Variants in SNTB1 observed in about 807,000 individuals in gnomAD.
The protein encoded by SNTB1 is syntrophin beta 1.
In SNTB1, 36 loss-of-function variants were observed where a neutral mutation model predicts 48.9. The ratio of observed to expected loss-of-function variants is 0.74; its 90% confidence interval spans 0.56 to 0.97. The LOEUF (loss-of-function observed/expected upper bound fraction) is 0.97, where lower values mean the gene tolerates loss of function less well. Ranked by LOEUF, SNTB1 falls within the 50% of genes least tolerant of loss-of-function variation. The probability of loss-of-function intolerance (pLI) is 0.00; values close to 1 mark genes in which losing one functional copy is unlikely to be tolerated. For missense variants in SNTB1, 786 were observed against 703.4 expected (o/e 1.12, Z -1.33); for synonymous variants, 299 against 294.6 (o/e 1.01, Z -0.15).
chr8:120,771,184 G>C (rs1273087245), intron 1 of SNTB1, among the ~76,000 whole-genome samples: 7 of 152,190 alleles, frequency 4.6e-5, no homozygotes, highest in African/African-American at 1.7e-4. Flanking sequence ...CTGTCCCAGA[G>C]GGAGGTGAAC....
chr8:120,810,197 C>T (rs1227738309), intron 1 of SNTB1, among the ~76,000 whole-genome samples: 1 of 152,190 alleles, frequency 6.6e-6, no homozygotes, highest in Non-Finnish European at 1.5e-5. Context: ...CAATCTACAG[C>T]TAGGCTAGGC....
intron 2 of SNTB1, among the ~76,000 whole-genome samples, chr8:120,650,706 T>G (rs1817399128): frequency 6.6e-6 from 1 of 152,174 alleles, no homozygotes; most frequent in Admixed American, 6.5e-5. Context: ...TTGACCTAAT[T>G]TGTTATTTGA....
intron 1 of SNTB1, among the ~76,000 whole-genome samples, chr8:120,793,346 A>G (rs1820069630): frequency 6.6e-6 from 1 of 152,124 alleles, no homozygotes; most frequent in African/African-American, 2.4e-5. Flanking sequence ...ACAGTGATGA[A>G]GAAATACTGT....
chr8:120,563,714 T>C (rs1213438122), intron 4 of SNTB1, among the ~76,000 whole-genome samples: 1 of 152,218 alleles, frequency 6.6e-6, no homozygotes, highest in Non-Finnish European at 1.5e-5. Flanking sequence ...CTACTGGCTA[T>C]AGTCCTGGCC....
intron 2 of SNTB1, among the ~76,000 whole-genome samples, chr8:120,676,464 G>T (rs1331073424): frequency 6.6e-6 from 1 of 152,188 alleles, no homozygotes; most frequent in African/African-American, 2.4e-5. Context: ...AGGTCCATCT[G>T]ATTACAAAGC....
intron 1 of SNTB1, among the ~76,000 whole-genome samples, chr8:120,794,526 C>G (rs1160796693): frequency 6.6e-6 from 1 of 151,740 alleles, no homozygotes; most frequent in East Asian, 1.9e-4. Context: ...AAAATATGTA[C>G]TATGAGGTGC....
At chr8:120,637,944 A>C in intron 2 of SNTB1, 1 of 216,802 alleles carries the variant, frequency 4.6e-6, no homozygotes, top group Non-Finnish European at 1.0e-5. Flanking sequence ...CAATACGCTT[A>C]ACTTTTATTT....
intron 3 of SNTB1, among the ~76,000 whole-genome samples, chr8:120,597,747 T>C (rs530596220): frequency 3.3e-4 from 51 of 152,358 alleles, no homozygotes; most frequent in African/African-American, 1.2e-3. Context: ...AGACTGAATA[T>C]GTTCCCCTAG....
intron 3 of SNTB1, among the ~76,000 whole-genome samples, chr8:120,579,177 A>AAAACAAAC (rs61054676): frequency 3.0e-3 from 352 of 115,596 alleles, no homozygotes; most frequent in South Asian, 7.1e-3. Flanking sequence ...ACTCTGTCTC[A>AAAACAAAC]AAACAAACAA....
At chr8:120,539,283 G>A (rs1460975881) in intron 6 of SNTB1, among the ~76,000 whole-genome samples, 1 of 124,160 alleles carries the variant, frequency 8.1e-6, no homozygotes, top group Non-Finnish European at 1.6e-5. Flanking sequence ...ATTTATTCAT[G>A]TTGGATTTGA....
intron 5 of SNTB1, among the ~76,000 whole-genome samples, chr8:120,544,046 C>T (rs894800125): frequency 4.0e-5 from 6 of 151,378 alleles, no homozygotes; most frequent in Admixed American, 4.0e-4. Flanking sequence ...CCGCCTCAGT[C>T]TCCTGAGTAG....
In SNTB1 at chr8:120,615,247, G is replaced by A. The variant is rs560291940; in HGVS notation, c.996+17197C>T. 8.0e-4 allele frequency among the ~76,000 whole-genome samples: 122 copies of A among 152,286 alleles called. 1 individual carries two copies. The highest frequency in any genetic ancestry group is 2.7e-3 in the African/African-American group (111 of 41,552). On this transcript the variant is annotated intron_variant, in intron 3 of 6. Transcript: ENST00000517992. ...AACTCACTGTGCATCTGGCATTAGCGTCGCCAGAGCCGGGGTTAATATGTA... is the reference window on the plus strand; with the variant it reads ...AACTCACTGTGCATCTGGCATTAGCATCGCCAGAGCCGGGGTTAATATGTA...
chr8:120,545,601 G>A (rs1815368218), intron 5 of SNTB1, among the ~76,000 whole-genome samples: 1 of 152,162 alleles, frequency 6.6e-6, no homozygotes, highest in Non-Finnish European at 1.5e-5. Context: ...TTGGAAGCAT[G>A]GTTCTTAAGA....
At chr8:120,576,629 A>G (rs1815955519) in intron 3 of SNTB1, among the ~76,000 whole-genome samples, 1 of 152,188 alleles carries the variant, frequency 6.6e-6, no homozygotes, top group Non-Finnish European at 1.5e-5. Context: ...GGATAATATC[A>G]TATACAACAG....
At chr8:120,558,191 A>G (rs1469978931) in intron 4 of SNTB1, among the ~76,000 whole-genome samples, 1 of 152,152 alleles carries the variant, frequency 6.6e-6, no homozygotes, top group African/African-American at 2.4e-5. Context: ...AATTGCTATT[A>G]TTTATATTTC....
intron 3 of SNTB1, among the ~76,000 whole-genome samples, chr8:120,627,199 T>A (rs1187448199): frequency 1.3e-5 from 2 of 152,238 alleles, no homozygotes; most frequent in Non-Finnish European, 2.9e-5. Context: ...ACTGAAGACT[T>A]AGCAATGAGG....
At chr8:120,729,786 C>T (rs1157403125) in intron 1 of SNTB1, among the ~76,000 whole-genome samples, 1 of 152,210 alleles carries the variant, frequency 6.6e-6, no homozygotes, top group Non-Finnish European at 1.5e-5. Context: ...TTACCATCGA[C>T]CTCACAGGAT....
chr8:120,720,104 G>A (rs1355817311), intron 1 of SNTB1, among the ~76,000 whole-genome samples: 1 of 152,248 alleles, frequency 6.6e-6, no homozygotes, highest in African/African-American at 2.4e-5. Context: ...GGGGCTGGCA[G>A]CAAGATGAGG....
chr8:120,757,252 C>T (rs536252657), intron 1 of SNTB1, among the ~76,000 whole-genome samples: 1 of 152,260 alleles, frequency 6.6e-6, no homozygotes, highest in East Asian at 1.9e-4. Flanking sequence ...GAAAGGACTG[C>T]ATTCCTACAT....
Sources: gnomAD v4.1 joint callset for allele counts (sites outside exome capture counted in the v4.1 genomes callset) on GRCh38, gnomAD v4.1.1 for gene constraint, MANE v1.5 for transcripts, NCBI Gene and HGNC (gene_info 2026-07-23, HGNC 2026-07-21) for gene names.